The following SIRPG variants were observed in gnomAD, a reference collection of about 807,000 sequenced individuals.
SIRPG encodes signal-regulatory protein gamma.
A neutral mutation model predicts 35.7 loss-of-function variants in SIRPG; 38 were observed. That is an observed-to-expected ratio of 1.06 (90% CI 0.82 to 1.40). The LOEUF (loss-of-function observed/expected upper bound fraction) is 1.40, where lower values mean the gene tolerates loss of function less well. SIRPG is among the 40% of genes most tolerant of loss of function. The probability of loss-of-function intolerance (pLI) is 0.00; values close to 1 mark genes in which losing one functional copy is unlikely to be tolerated. For missense variants in SIRPG, 519 were observed against 483.0 expected, an observed-to-expected ratio of 1.07 and a Z score of -0.70; for synonymous variants, 215 against 190.4, an observed-to-expected ratio of 1.13 and a Z score of -1.06.
chr20:1,668,410 G>A, the SIRPG span, among the ~76,000 whole-genome samples: 27 of 151,908 alleles, frequency 1.8e-4, no homozygotes, highest in Non-Finnish European at 2.6e-4. Flanking sequence ...AGCTTCCGGC[G>A]TAGCTGAGAC....
At chr20:1,666,884 A>C in the SIRPG span, among the ~76,000 whole-genome samples, 1 of 152,086 alleles carries the variant, frequency 6.6e-6, no homozygotes, top group African/African-American at 2.4e-5. Flanking sequence ...CATTTACTGC[A>C]CCTTTTAATG....
chr20:1,649,185 G>A lies in SIRPG; in HGVS notation c.297C>T (p.Asn99=). 5.0e-6 allele frequency: 8 copies of A among 1,614,138 alleles called. No individual in the cohort carries two copies. The highest frequency in any genetic ancestry group is 2.2e-5 in the East Asian group (1 of 44,878). ...TTVSDLTKRN[N]MDFSIRISSI... ...TACTGATGCGGATGGAAAAGTCCAT[G>A]TTGTTTCTCTTTGTGAGGTCTGAAA... The change falls in exon 2 of 6, where the codon AAC becomes AAT. Residue 99 remains asparagine (N), a synonymous_variant. Coordinates refer to ENST00000303415, the MANE Select transcript of SIRPG (RefSeq NM_018556.4).
the SIRPG span, among the ~76,000 whole-genome samples, chr20:1,667,197 A>G: frequency 6.6e-6 from 1 of 152,194 alleles, no homozygotes; most frequent in South Asian, 2.1e-4. Context: ...ATATCTGGCT[A>G]GAAATGTTTA....
chr20:1,673,761 A>G, the SIRPG span, among the ~76,000 whole-genome samples: 3 of 152,236 alleles, frequency 2.0e-5, no homozygotes, highest in East Asian at 5.8e-4. Flanking sequence ...AGCTATTTAC[A>G]GAAGCTGGAA....
At chr20:1,674,173 A>G in the SIRPG span, among the ~76,000 whole-genome samples, 1 of 152,054 alleles carries the variant, frequency 6.6e-6, no homozygotes, top group Non-Finnish European at 1.5e-5. Context: ...CAGACCAATT[A>G]AACTGGCATT....
intron 5 of SIRPG, 47 bp from the exon 6 acceptor site, chr20:1,629,683 A>T (rs2091733422): frequency 6.5e-6 from 1 of 153,480 alleles, no homozygotes; most frequent in African/African-American, 2.4e-5. Flanking sequence ...ATCTTTCAAG[A>T]CATGTTTCCT....
At chr20:1,667,846 G>T in the SIRPG span, among the ~76,000 whole-genome samples, 1 of 152,130 alleles carries the variant, frequency 6.6e-6, no homozygotes, top group East Asian at 1.9e-4. Flanking sequence ...TGCACAGAGG[G>T]GAAGTCCCTA....
At chr20:1,654,278 GC>G (rs1286778042) in intron 1 of SIRPG, among the ~76,000 whole-genome samples, 3 of 151,318 alleles carry the variant, frequency 2.0e-5, no homozygotes, top group Non-Finnish European at 4.4e-5. Context: ...GCACCACACT[GC>G]CTAATTTCAA....
intron 3 of SIRPG, among the ~76,000 whole-genome samples, chr20:1,635,813 C>G (rs2091794400): frequency 6.6e-6 from 1 of 152,180 alleles, no homozygotes; most frequent in Non-Finnish European, 1.5e-5. Context: ...ACTGGTAGCT[C>G]CTACTAGGCT....
intron 4 of SIRPG, among the ~76,000 whole-genome samples, chr20:1,632,276 G>A (rs1026489040): frequency 6.6e-6 from 1 of 152,164 alleles, no homozygotes; most frequent in African/African-American, 2.4e-5. Context: ...GCACAACCCT[G>A]GCTCTCAGTA....
Position 1,630,303 on chromosome 20 carries a change from G to T in SIRPG, c.1085C>A (p.Pro362Gln), listed in dbSNP as rs777894070. 4 of 1,559,326 alleles carry T rather than the reference G, an allele frequency of 2.6e-6. No homozygotes were observed. Among genetic ancestry groups the T allele is most frequent in the Middle Eastern group, 1.9e-4 (1 of 5,202 alleles). ...GAGCAGCGCAGTAAGGGATGATGCCGGGCCTGGAAATCAGGGAAGACGAGG... is the reference window on the plus strand; with the variant it reads ...GAGCAGCGCAGTAAGGGATGATGCCTGGCCTGGAAATCAGGGAAGACGAGG... ...KDQSSDATPG[P>Q]ASSLTALLLI... Residue 362 changes from proline to glutamine, a missense_variant, in exon 5 of 6, where the codon CCG becomes CAG. Pro to Gln is a moderately conservative substitution (Grantham distance 76). Transcript: ENST00000303415.
intron 4 of SIRPG, among the ~76,000 whole-genome samples, chr20:1,632,729 A>G (rs1313569175): frequency 1.3e-5 from 2 of 152,112 alleles, no homozygotes; most frequent in Non-Finnish European, 2.9e-5. Flanking sequence ...CCCTGCAGCC[A>G]GGCACCTGGG....
Position 1,644,591 on chromosome 20 carries a change from C to T in SIRPG, c.430+4461G>A, listed in dbSNP as rs2091882848. Among the ~76,000 whole-genome samples, 3 of 149,896 alleles carry T rather than the reference C, an allele frequency of 2.0e-5. No homozygotes were observed. The South Asian group carries it at 6.2e-4, about 31-fold the overall frequency. On this transcript the variant is annotated intron_variant, in intron 2 of 5. Coordinates refer to ENST00000303415, the MANE Select transcript of SIRPG (RefSeq NM_018556.4). Reference sequence around the variant, plus strand: ...CAGCTGTGATCCTGGCCACCCCTTCCCCTGGGAGCTCAGCAGCCTTAAGGA... The same window carrying T: ...CAGCTGTGATCCTGGCCACCCCTTCTCCTGGGAGCTCAGCAGCCTTAAGGA...
the SIRPG span, among the ~76,000 whole-genome samples, chr20:1,677,896 T>C: frequency 6.6e-6 from 1 of 152,180 alleles, no homozygotes; most frequent in African/African-American, 2.4e-5. Context: ...TTGAATTTAG[T>C]ATTTTTGCTT....
At chr20:1,634,401 G>T (rs2091775569) in intron 4 of SIRPG, among the ~76,000 whole-genome samples, 1 of 151,684 alleles carries the variant, frequency 6.6e-6, no homozygotes, top group African/African-American at 2.4e-5. Flanking sequence ...TAGAGATGGG[G>T]TTTCACCGTG....
chr20:1,635,556 C>A lies in SIRPG; in HGVS notation c.792G>T (p.Gly264=). The A allele has an allele frequency of 6.2e-7, 1 of 1,614,152 alleles. No individual in the cohort carries two copies. The highest frequency in any genetic ancestry group is 1.1e-5 in the South Asian group (1 of 91,082). The change falls in exon 4 of 6, where the codon GGG becomes GGT. Residue 264 remains glycine (G), a synonymous_variant. Transcript: ENST00000303415. ...LEVTQQPMRV[G]NQVNVTCQVR... is the part of the protein sequence containing the mutation. ...CCTGGCAGGTGACGTTTACCTGGTT[C>A]CCCACCCTCATGGGCTGTTGAGTAA...
At chr20:1,645,084 C>A (rs774747786) in intron 2 of SIRPG, among the ~76,000 whole-genome samples, 3 of 152,096 alleles carry the variant, frequency 2.0e-5, no homozygotes, top group Admixed American at 1.3e-4. Context: ...TAGATACACA[C>A]GTTTTCACGA....
rs776430075 is a variant in SIRPG, at chr20:1,657,747, C to A, written c.-33G>T. The A allele has an allele frequency of 1.1e-5, 18 of 1,602,758 alleles. 1 individual carries two copies. In the Admixed American group the frequency reaches 2.8e-4, roughly 25 times the overall value. The stretch of plus-strand genomic sequence containing the variant: ...ACCTCAGAAGCCTGCTCTGTTCAAA[C>A]GTCTGTTCTGGGGAGATGTCAGGCC... On this transcript the variant is annotated 5_prime_UTR_variant, in exon 1 of 6. Coordinates refer to ENST00000303415, the MANE Select transcript of SIRPG (RefSeq NM_018556.4).
chr20:1,643,189 A>C (rs2091868405), intron 2 of SIRPG, among the ~76,000 whole-genome samples: 1 of 152,158 alleles, frequency 6.6e-6, no homozygotes, highest in African/African-American at 2.4e-5. Context: ...CATCCTCCCC[A>C]TCTCTTTCAG....
Sources: gnomAD v4.1 joint callset for allele counts (sites outside exome capture counted in the v4.1 genomes callset) on GRCh38, gnomAD v4.1.1 for gene constraint, MANE v1.5 for transcripts, NCBI Gene and HGNC (gene_info 2026-07-23, HGNC 2026-07-21) for gene names.